The following NRXN1 variants were observed in gnomAD, a reference collection of about 807,000 sequenced individuals.
The protein encoded by NRXN1 is neurexin-1.
A neutral mutation model predicts 150.9 loss-of-function variants in NRXN1; 39 were observed. The ratio of observed to expected loss-of-function variants is 0.26; its 90% CI spans 0.20 to 0.34. NRXN1 has a LOEUF of 0.34. Ranked by LOEUF, NRXN1 falls within the 10% of genes least tolerant of loss-of-function variation. The probability of loss-of-function intolerance (pLI) is 1.00; values close to 1 mark genes in which losing one functional copy is unlikely to be tolerated. For synonymous variants in NRXN1, 924 were observed against 757.0 expected, an observed-to-expected ratio of 1.22 and a Z score of -3.62; for missense variants, 1,815 against 1,949.9, an observed-to-expected ratio of 0.93 and a Z score of 1.30.
At chr2:49,955,099 T>C (rs1238541210) in intron 21 of NRXN1, among the ~76,000 whole-genome samples, 1 of 152,180 alleles carries the variant, frequency 6.6e-6, no homozygotes, top group Non-Finnish European at 1.5e-5. Context: ...TACATGACAC[T>C]TGAATTTACT....
intron 19 of NRXN1, among the ~76,000 whole-genome samples, chr2:50,073,295 A>T (rs1696579497): frequency 6.6e-6 from 1 of 152,176 alleles, no homozygotes; most frequent in African/African-American, 2.4e-5. Context: ...GGGGGTAGTG[A>T]CCATTCCTGC....
intron 2 of NRXN1, among the ~76,000 whole-genome samples, chr2:50,930,351 T>A (rs1687555559): frequency 1.3e-5 from 2 of 152,198 alleles, no homozygotes; most frequent in Non-Finnish European, 2.9e-5. Context: ...TTCAAAATGT[T>A]CTATCTTGTT....
intron 2 of NRXN1, among the ~76,000 whole-genome samples, chr2:50,975,269 C>T (rs1417352006): frequency 2.0e-5 from 3 of 152,050 alleles, no homozygotes; most frequent in African/African-American, 7.2e-5. Context: ...ACCATATAAA[C>T]AAAAACTCTT....
intron 5 of NRXN1, among the ~76,000 whole-genome samples, chr2:50,891,116 T>C (rs1398625328): frequency 6.6e-6 from 1 of 151,994 alleles, no homozygotes; most frequent in African/African-American, 2.4e-5. Context: ...AGGCAAACAG[T>C]CTGTCAGTAA....
chr2:50,444,796 G>T (rs982725366), intron 17 of NRXN1, among the ~76,000 whole-genome samples: 1 of 152,062 alleles, frequency 6.6e-6, no homozygotes, highest in Non-Finnish European at 1.5e-5. Context: ...GGAGCCTGAG[G>T]CAAAAGGGAA....
intron 5 of NRXN1, among the ~76,000 whole-genome samples, chr2:50,765,580 T>A (rs1020285290): frequency 1.3e-4 from 19 of 152,000 alleles, no homozygotes; most frequent in African/African-American, 4.6e-4. Context: ...ACAGGGAAAC[T>A]GAAGAGAGTG....
chr2:50,869,562 AAGAAC>A (rs1677456686), intron 5 of NRXN1, among the ~76,000 whole-genome samples: 2 of 151,826 alleles, frequency 1.3e-5, no homozygotes, highest in Admixed American at 1.3e-4. Context: ...TCAAATTTTA[AAGAAC>A]ATTGATATGA....
At chr2:50,115,200 AC>A (rs573708555) in intron 18 of NRXN1, among the ~76,000 whole-genome samples, 422 of 138,874 alleles carry the variant, frequency 3.0e-3, no homozygotes, top group South Asian at 6.8e-3. Context: ...TTACAAAAAA[AC>A]ATATATATGT....
At chr2:50,858,331 G>C (rs2106013758) in intron 5 of NRXN1, among the ~76,000 whole-genome samples, 1 of 152,116 alleles carries the variant, frequency 6.6e-6, no homozygotes, top group South Asian at 2.1e-4. Context: ...CTCACTGTTT[G>C]GGCGCAATCA....
chr2:50,160,347 C>A (rs1302855257), intron 18 of NRXN1, among the ~76,000 whole-genome samples: 1 of 151,932 alleles, frequency 6.6e-6, no homozygotes, highest in African/African-American at 2.4e-5. Context: ...TCGAAACCAG[C>A]CTGACCAACA....
intron 5 of NRXN1, among the ~76,000 whole-genome samples, chr2:50,677,618 G>T (rs754413802): frequency 1.9e-4 from 29 of 152,052 alleles, no homozygotes; most frequent in Admixed American, 1.1e-3. Context: ...ACCTCAACTG[G>T]CTGAGAGACT....
At chr2:50,978,305 T>A (rs1321211727) in intron 2 of NRXN1, among the ~76,000 whole-genome samples, 4 of 121,636 alleles carry the variant, frequency 3.3e-5, no homozygotes, top group East Asian at 2.4e-4. Context: ...TATATATATA[T>A]AAAATATATA....
chr2:49,960,963 A>T (rs1379950509), intron 21 of NRXN1, among the ~76,000 whole-genome samples: 1 of 152,180 alleles, frequency 6.6e-6, no homozygotes, highest in African/African-American at 2.4e-5. Flanking sequence ...ATAATTATTA[A>T]CAAATTCTCT....
At chr2:50,665,234 T>C (rs886531515) in intron 5 of NRXN1, among the ~76,000 whole-genome samples, 13 of 151,944 alleles carry the variant, frequency 8.6e-5, no homozygotes, top group Non-Finnish European at 1.9e-4. Flanking sequence ...GTTAATAAAA[T>C]AGACTCTAAA....
chr2:50,575,435 C>T, intron 8 of NRXN1, among the ~76,000 whole-genome samples: 1 of 152,092 alleles, frequency 6.6e-6, no homozygotes, highest in East Asian at 1.9e-4. Flanking sequence ...AGGGATGCTC[C>T]CTAGAGGCAG....
chr2:50,528,462 T>C (rs974130006), intron 12 of NRXN1, among the ~76,000 whole-genome samples, 163 bp downstream of exon 12: 1 of 152,156 alleles, frequency 6.6e-6, no homozygotes, highest in African/African-American at 2.4e-5. Flanking sequence ...CTGTACAAAT[T>C]TAAAAATGAA....
intron 2 of NRXN1, among the ~76,000 whole-genome samples, chr2:51,004,036 T>C (rs978763017): frequency 7.9e-5 from 12 of 151,306 alleles, no homozygotes; most frequent in Non-Finnish European, 1.5e-4. Flanking sequence ...TTTTTTGTTA[T>C]TGTTGTTGTT....
At chr2:49,943,073 T>TA (rs1672288111) in intron 22 of NRXN1, among the ~76,000 whole-genome samples, 1 of 152,142 alleles carries the variant, frequency 6.6e-6, no homozygotes, top group African/African-American at 2.4e-5. Context: ...CTTAATGGTA[T>TA]AAGGGCTGTA....
chr2:50,750,643 G>T (rs758005565), intron 5 of NRXN1, among the ~76,000 whole-genome samples: 3 of 151,870 alleles, frequency 2.0e-5, no homozygotes, highest in Non-Finnish European at 4.4e-5. Flanking sequence ...GCTCAGCAGC[G>T]TTGGAGTTCC....
Sources: allele counts gnomAD v4.1 joint callset (sites outside exome capture counted in the v4.1 genomes callset), GRCh38; gene constraint gnomAD v4.1.1; transcripts MANE v1.5; gene names NCBI Gene and HGNC (gene_info 2026-07-23, HGNC 2026-07-21).